The following CPEB4 variants were observed in gnomAD, a reference collection of about 807,000 sequenced individuals.
The protein encoded by CPEB4 is cytoplasmic polyadenylation element-binding protein 4.
CPEB4 carries 12 observed loss-of-function variants against 72.5 expected under a neutral mutation model. The ratio of observed to expected loss-of-function variants is 0.17; its 90% CI spans 0.11 to 0.27. The LOEUF (loss-of-function observed/expected upper bound fraction) is 0.27, where lower values mean the gene tolerates loss of function less well. Ranked by LOEUF, CPEB4 falls within the 10% of genes least tolerant of loss-of-function variation. CPEB4 has a pLI of 1.00. For missense variants in CPEB4, 614 were observed against 908.5 expected (o/e 0.68, Z 4.17); for synonymous variants, 302 against 326.3 (o/e 0.93, Z 0.80).
chr5:173,905,456 C>T (rs577051359), intron 1 of CPEB4, among the ~76,000 whole-genome samples: 16 of 152,200 alleles, frequency 1.1e-4, no homozygotes, highest in African/African-American at 3.9e-4. Flanking sequence ...GCCTCAGCCT[C>T]CCAAGTAGCT....
intron 3 of CPEB4, among the ~76,000 whole-genome samples, chr5:173,942,759 G>A (rs1438243858): frequency 1.3e-5 from 2 of 152,060 alleles, no homozygotes; most frequent in Non-Finnish European, 2.9e-5. Flanking sequence ...TGAACCTTGG[G>A]CAACAATTAC....
intron 1 of CPEB4, among the ~76,000 whole-genome samples, chr5:173,892,089 A>G (rs969875350): frequency 2.6e-5 from 4 of 152,192 alleles, no homozygotes; most frequent in Admixed American, 2.6e-4. Flanking sequence ...GAAACAGATT[A>G]TAGAATCATT....
In CPEB4 at chr5:173,931,632, A is replaced by G. The variant is rs139020741; in HGVS notation, c.1208-818A>G. Among the ~76,000 whole-genome samples, 176 of 152,318 alleles carry G rather than the reference A, an allele frequency of 1.2e-3. 1 individual carries two copies. Among genetic ancestry groups the G allele is most frequent in the African/African-American group, 4.1e-3 (172 of 41,570 alleles). ...TCTTATTTTATAACTTACAGTATAG[A>G]ACTAGGTCCATATGTGTACTCAGTA... On this transcript the variant is annotated intron_variant, in intron 2 of 9. Transcript: ENST00000265085.
chr5:173,918,406 G>T (rs17695328), intron 2 of CPEB4, among the ~76,000 whole-genome samples: 17,519 of 152,246 alleles, frequency 0.12, 1,382 homozygotes, highest in Non-Finnish European at 0.16. Context: ...GTACTGTGTA[G>T]GTTGAGCTTA....
Position 173,889,769 on chromosome 5 carries a change from C to T in CPEB4, c.36C>T (p.Ser12=). 1 of 1,612,610 alleles carries T rather than the reference C, an allele frequency of 6.2e-7. No homozygotes were observed. Among genetic ancestry groups the T allele is most frequent in the Non-Finnish European group, 8.5e-7 (1 of 1,179,440 alleles). ...ACGGGTTTGGAGTGCTAGTGCAAAG[C>T]AATACTGGGAATAAATCTGCTTTTC... The part of the protein sequence containing the change: ...GDYGFGVLVQ[S]NTGNKSAFPV... The change falls in exon 1 of 10, where the codon AGC becomes AGT. Residue 12 remains serine (S), a synonymous_variant. Coordinates refer to ENST00000265085, the MANE Select transcript of CPEB4 (RefSeq NM_030627.4).
At chr5:173,932,402 C>G in intron 2 of CPEB4, 48 bp from the exon 3 acceptor site, 7 of 1,464,780 alleles carry the variant, frequency 4.8e-6, no homozygotes, top group Non-Finnish European at 6.7e-6. Flanking sequence ...TAAGTTTAAA[C>G]CATCTATGAA....
intron 2 of CPEB4, among the ~76,000 whole-genome samples, chr5:173,930,412 A>G (rs1023117700): frequency 1.3e-5 from 2 of 152,142 alleles, no homozygotes; most frequent in Non-Finnish European, 2.9e-5. Context: ...TCTCAAGTCT[A>G]TCCTTTTAAA....
chr5:173,929,788 A>G (rs542063732), intron 2 of CPEB4, among the ~76,000 whole-genome samples: 5 of 152,336 alleles, frequency 3.3e-5, no homozygotes, highest in Admixed American at 6.5e-5. Context: ...TTCTATTGCA[A>G]TGTTAGCATT....
Position 173,958,249 on chromosome 5 carries a change from T to G in CPEB4, c.*2112T>G, listed in dbSNP as rs1414806081. On this transcript the variant is annotated 3_prime_UTR_variant, in exon 10 of 10. Coordinates refer to ENST00000265085, the MANE Select transcript of CPEB4 (RefSeq NM_030627.4). ...TTTTTGTAGCTAACTTATTTTGTCA[T>G]GCACATAATGTATATTTGTTATGCA... 1 of 152,794 alleles carries G rather than the reference T, an allele frequency of 6.5e-6. No homozygotes were observed. Among genetic ancestry groups the G allele is most frequent in the Non-Finnish European group, 1.5e-5 (1 of 68,036 alleles). 9.5% of individuals were successfully genotyped at this position (152,794 alleles called of 1,614,324 possible).
At chr5:173,905,184 A>T (rs1488959530) in intron 1 of CPEB4, among the ~76,000 whole-genome samples, 1 of 151,918 alleles carries the variant, frequency 6.6e-6, no homozygotes, top group Non-Finnish European at 1.5e-5. Flanking sequence ...AAGCAAATTG[A>T]GTTGTCAGTA....
intron 2 of CPEB4, among the ~76,000 whole-genome samples, chr5:173,921,072 T>C (rs554559469): frequency 6.6e-6 from 1 of 152,362 alleles, no homozygotes; most frequent in African/African-American, 2.4e-5. Flanking sequence ...AGTTAGATGA[T>C]AGATGTCACT....
intron 1 of CPEB4, chr5:173,891,683 T>G (rs2113114314): frequency 6.6e-6 from 1 of 152,326 alleles, no homozygotes; most frequent in East Asian, 1.9e-4. Flanking sequence ...GTCATTGATG[T>G]TTTTGAATTA....
rs1561633790 is a variant in CPEB4, at chr5:173,953,182, T to C, written c.1872T>C (p.Ala624=). 2 of 1,613,902 alleles carry C rather than the reference T, an allele frequency of 1.2e-6. No individual in the cohort carries two copies. The highest frequency in any genetic ancestry group is 1.7e-6 in the Non-Finnish European group (2 of 1,179,870). Residue 624 remains alanine (A), a synonymous_variant, in exon 9 of 10, where the codon GCT becomes GCC. Coordinates refer to ENST00000265085, the MANE Select transcript of CPEB4 (RefSeq NM_030627.4). ...CTGAGCTAAAATACCCAAAAGGAGC[T>C]GGGAGAGTTGCGTTCTCTAATCAAC... ...TDPELKYPKG[A]GRVAFSNQQS...
rs1758542175 is a variant in CPEB4 at position 173,961,290 on chromosome 5, T to C, written c.*5153T>C. 6.6e-6 allele frequency: 1 copy of C among 152,176 alleles called. No individual in the cohort carries two copies. 9.4% of individuals were successfully genotyped at this position (152,176 alleles called of 1,614,324 possible). On this transcript the variant is annotated 3_prime_UTR_variant, in exon 10 of 10. Transcript: ENST00000265085. ...TGGCATTTGGTTATCAAGTCTATAA[T>C]ATTCCTAGGCATTCTGGGATGGTTT...
At chr5:173,896,323 A>T (rs970627280) in intron 1 of CPEB4, among the ~76,000 whole-genome samples, 3 of 152,224 alleles carry the variant, frequency 2.0e-5, no homozygotes, top group Non-Finnish European at 4.4e-5. Context: ...GCCTTGCAGA[A>T]ATTAAAAGTA....
In CPEB4 at chr5:173,889,683, G is replaced by A; in HGVS notation, c.-51G>A. 6.8e-7 allele frequency: 1 copy of A among 1,471,576 alleles called. No individual in the cohort carries two copies. The highest frequency in any genetic ancestry group is 9.2e-7 in the Non-Finnish European group (1 of 1,092,588). The allele number at this position is 1,471,576 out of a possible 1,614,324, so 91.2% of individuals were successfully genotyped here. On this transcript the variant is annotated 5_prime_UTR_variant, in exon 1 of 10. Coordinates refer to ENST00000265085, the MANE Select transcript of CPEB4 (RefSeq NM_030627.4). ...GGGGTAGAGGAAAAAAAAGGCGTGA[G>A]ACATCAGGTTGTCATTTTTTATTGT... is the stretch of plus-strand genomic sequence containing the variant.
intron 8 of CPEB4, among the ~76,000 whole-genome samples, chr5:173,952,231 G>A (rs1758236776): frequency 6.6e-6 from 1 of 152,180 alleles, no homozygotes; most frequent in African/African-American, 2.4e-5. Context: ...GGTTGAATTA[G>A]ACGACCAGTG....
In CPEB4 at chr5:173,910,689, ATAT is replaced by A. The variant is rs932476035; in HGVS notation, c.1207+89_1207+91del. 9.2e-6 allele frequency: 8 copies of A among 869,538 alleles called. No individual in the cohort carries two copies. In the African/African-American group the frequency reaches 1.2e-4, roughly 13 times the overall value. 53.9% of individuals were successfully genotyped at this position (869,538 alleles called of 1,614,324 possible). On this transcript the variant is annotated intron_variant, in intron 2 of 9. Coordinates refer to ENST00000265085, the MANE Select transcript of CPEB4 (RefSeq NM_030627.4). ...TTTAATCTGATACACAGTATGGCAA[ATAT>A]TATGGAGTCACTTTGTATGCAGTAA...
At chr5:173,906,675 A>C (rs931101067) in intron 1 of CPEB4, among the ~76,000 whole-genome samples, 1 of 152,226 alleles carries the variant, frequency 6.6e-6, no homozygotes, top group Non-Finnish European at 1.5e-5. Context: ...CAATTGAACA[A>C]ACTTTGTGTA....
Sources: allele counts gnomAD v4.1 joint callset (sites outside exome capture counted in the v4.1 genomes callset), GRCh38; gene constraint gnomAD v4.1.1; transcripts MANE v1.5; gene names NCBI Gene and HGNC (gene_info 2026-07-23, HGNC 2026-07-21).